Variants in PPP1R16A observed in about 807,000 individuals in gnomAD.
The protein encoded by PPP1R16A is protein phosphatase 1 regulatory subunit 16A, also known as myosin phosphatase-targeting subunit 3.
A neutral mutation model predicts 46.6 loss-of-function variants in PPP1R16A; 39 were observed. The ratio of observed to expected loss-of-function variants is 0.84; its 90% CI spans 0.65 to 1.09. PPP1R16A has a LOEUF of 1.09. Ranked by LOEUF, PPP1R16A falls within the 50% of genes least tolerant of loss-of-function variation. The pLI is 0.00. For missense variants in PPP1R16A, 798 were observed against 735.6 expected (o/e 1.08, Z -0.98); for synonymous variants, 413 against 321.5 (o/e 1.28, Z -3.04).
In PPP1R16A at chr8:144,499,955, C is replaced by T. The variant is rs939512944; in HGVS notation, c.477-141C>T. 6.4e-5 allele frequency: 50 copies of T among 778,508 alleles called. No homozygotes were observed. The Admixed American group carries it at 1.2e-3, about 19-fold the overall frequency. 48.2% of individuals were successfully genotyped at this position (778,508 alleles called of 1,614,324 possible). On this transcript the variant is annotated intron_variant, in intron 5 of 11. Transcript: ENST00000435887. ...GGACAGCCGATGGGCCCCAAGGCTGCCTCTCCCAGCAGCAGGTGGACAGGG... is the reference window on the plus strand; with the variant it reads ...GGACAGCCGATGGGCCCCAAGGCTGTCTCTCCCAGCAGCAGGTGGACAGGG...
At chr8:144,498,281 C>T in intron 3 of PPP1R16A, 1 of 355,226 alleles carries the variant, frequency 2.8e-6, no homozygotes, top group East Asian at 7.5e-5. Context: ...TGGGCGAGAG[C>T]TGGGCCCGAG....
rs375480473 is a variant in PPP1R16A, at chr8:144,484,866, G to A, written c.-913-5168G>A. ...CTTTAGCCAGGCAGCTGTTACTGAG[G>A]TAAATAATGATTTGTGTTTGTAGAT... On this transcript the variant is annotated intron_variant, in intron 1 of 11. Transcript: ENST00000435887. 3.3e-5 allele frequency among the ~76,000 whole-genome samples: 5 copies of A among 152,332 alleles called. No homozygotes were observed. The East Asian group carries it at 9.7e-4, about 29-fold the overall frequency.
At position 144,493,234 on chromosome 8, in the gene PPP1R16A, G is replaced by A. The variant is rs776079393; in HGVS notation, c.-735+3022G>A. On this transcript the variant is annotated intron_variant, in intron 2 of 11. Transcript: ENST00000435887. The surrounding 1 kb of genome is among the most constrained non-coding windows in gnomAD (Gnocchi z 4.3). Reference sequence around the variant, plus strand: ...CCCGCCTGGGTCCCACACTCAGGCAGCTGGCCTGGGCTTTGAGGAGTGGAA... The same window carrying A: ...CCCGCCTGGGTCCCACACTCAGGCAACTGGCCTGGGCTTTGAGGAGTGGAA... Among the ~76,000 whole-genome samples the A allele has an allele frequency of 9.2e-5, 14 of 152,206 alleles. No homozygotes were observed. The highest frequency in any genetic ancestry group is 1.9e-4 in the Non-Finnish European group (13 of 68,018).
chr8:144,481,781 CTTTTTTG>C (rs1362832476), intron 1 of PPP1R16A, among the ~76,000 whole-genome samples: 10 of 151,808 alleles, frequency 6.6e-5, no homozygotes, highest in African/African-American at 2.2e-4. Context: ...TTTCTTTTTT[CTTTTTTG>C]TTTTTTTGAG....
rs752397971 is a variant in PPP1R16A, at chr8:144,501,271, G to A, written c.1180G>A (p.Glu394Lys). The A allele has an allele frequency of 1.6e-5, 25 of 1,597,406 alleles. No individual in the cohort carries two copies. The East Asian group carries it at 4.5e-4, about 29-fold the overall frequency. Reference sequence around the variant, plus strand: ...CAACGATGACCGCCAGACAGGCGCAGAGCTCAGGCCGCCGCCCCCGGAGGT... The same window carrying A: ...CAACGATGACCGCCAGACAGGCGCAAAGCTCAGGCCGCCGCCCCCGGAGGT... ...EDNDDRQTGA[E>K]LRPPPPEEDN... The change falls in exon 11 of 12, where the codon GAG (glutamate) becomes AAG (lysine). Residue 394 changes from glutamate (E) to lysine (K), a missense_variant. Physicochemically the swap from Glu to Lys is moderately conservative, Grantham distance 56. Transcript: ENST00000435887.
At chr8:144,495,006 C>G (rs1327637731) in intron 2 of PPP1R16A, among the ~76,000 whole-genome samples, 1 of 152,214 alleles carries the variant, frequency 6.6e-6, no homozygotes, top group Non-Finnish European at 1.5e-5. Context: ...CTTGCCCTGG[C>G]CTCTGCGGTC....
chr8:144,489,581 C>A (rs1034285470), intron 1 of PPP1R16A, among the ~76,000 whole-genome samples: 2 of 152,088 alleles, frequency 1.3e-5, no homozygotes, highest in South Asian at 2.1e-4. Flanking sequence ...CTGGGGCCTC[C>A]CTCCCAGAGC....
chr8:144,480,862 GATGGGTTTTGTTTA>G (rs1156968287), intron 1 of PPP1R16A, among the ~76,000 whole-genome samples: 2 of 151,816 alleles, frequency 1.3e-5, no homozygotes, highest in Non-Finnish European at 2.9e-5. Flanking sequence ...GGTTTTGTGT[GATGGGTTTTGTTTA>G]ATGGGTTTTG....
chr8:144,501,868 C>G lies in PPP1R16A; in HGVS notation c.1552C>G (p.Pro518Ala), dbSNP rs368458474. Residue 518 changes from proline to alanine, a missense_variant, in exon 12 of 12, where the codon CCC (proline) becomes GCC (alanine). Coordinates refer to ENST00000435887, the MANE Select transcript of PPP1R16A (RefSeq NM_001329443.2). ...LKLTAPAVEAPVERRPCCLLM is the reference protein window; with the variant it reads ...LKLTAPAVEAAVERRPCCLLM ...GCTCACAGCCCCGGCGGTGGAGGCT[C>G]CCGTGGAGAGGAGGCCGTGCTGCCT... 84 of 1,542,282 alleles carry G rather than the reference C, an allele frequency of 5.4e-5. No homozygotes were observed. The Admixed American group carries it at 1.4e-3, about 26-fold the overall frequency.
At chr8:144,484,428 G>A (rs1173028734) in intron 1 of PPP1R16A, among the ~76,000 whole-genome samples, 1 of 152,204 alleles carries the variant, frequency 6.6e-6, no homozygotes, top group African/African-American at 2.4e-5. Context: ...CTAGAAAGGT[G>A]TGATTTGCAG....
chr8:144,497,040 G>C lies in PPP1R16A; in HGVS notation c.-155G>C. 2 of 984,824 alleles carry C rather than the reference G, an allele frequency of 2.0e-6. No individual in the cohort carries two copies. Among genetic ancestry groups the C allele is most frequent in the Non-Finnish European group, 3.0e-6 (2 of 672,070 alleles). 61.0% of individuals were successfully genotyped at this position (984,824 alleles called of 1,614,324 possible). On this transcript the variant is annotated 5_prime_UTR_variant, in exon 3 of 12. Transcript: ENST00000435887. ...GCTGCCTGGGCCTGGTTATTGTGTGGGGCCTCCTGACCCAGCCAAGGGCAC... is the reference window on the plus strand; with the variant it reads ...GCTGCCTGGGCCTGGTTATTGTGTGCGGCCTCCTGACCCAGCCAAGGGCAC...
intron 1 of PPP1R16A, among the ~76,000 whole-genome samples, chr8:144,484,908 GTTTCAA>G (rs770911880): frequency 6.6e-6 from 1 of 152,238 alleles, no homozygotes; most frequent in Non-Finnish European, 1.5e-5. Context: ...TAGTGGAATA[GTTTCAA>G]TTTCATATGG....
rs760320204 is a variant in PPP1R16A, at chr8:144,500,706, C to T, written c.852C>T (p.Leu284=). ...CACAGGTGCCCCTGGTGGAGCTGCT[C>T]GTGGCGCACGGGGCCGACCTGAACG... The part of the protein sequence containing the change: ...YWGQVPLVEL[L]VAHGADLNAK... Residue 284 remains leucine (L), a synonymous_variant, in exon 9 of 12, where the codon CTC becomes CTT. Coordinates refer to ENST00000435887, the MANE Select transcript of PPP1R16A (RefSeq NM_001329443.2). 4.3e-6 allele frequency: 7 copies of T among 1,611,518 alleles called. No individual in the cohort carries two copies. Among genetic ancestry groups the T allele is most frequent in the Non-Finnish European group, 5.9e-6 (7 of 1,179,644 alleles).
rs531842432 is a variant in PPP1R16A at position 144,484,134 on chromosome 8, C to T, written c.-913-5900C>T. Among the ~76,000 whole-genome samples the T allele has an allele frequency of 2.0e-5, 3 of 152,392 alleles. No individual in the cohort carries two copies. The South Asian group carries it at 6.2e-4, about 32-fold the overall frequency. ...GGTCCCAGTGCTGCCTCCTTCCACA[C>T]TCCCAGGCCCTGTGCCACTGGCACG... On this transcript the variant is annotated intron_variant, in intron 1 of 11. Transcript: ENST00000435887.
Position 144,498,853 on chromosome 8 carries a change from T to C in PPP1R16A, c.330+13T>C. The C allele has an allele frequency of 6.2e-7, 1 of 1,611,750 alleles. No individual in the cohort carries two copies. The highest frequency in any genetic ancestry group is 8.5e-7 in the Non-Finnish European group (1 of 1,179,004). On this transcript the variant is annotated intron_variant, in intron 4 of 11. Coordinates refer to ENST00000435887, the MANE Select transcript of PPP1R16A (RefSeq NM_001329443.2). Reference sequence around the variant, plus strand: ...GGCCCTGCACCAGGTCAGCCTGCACTGGGTGTGGGCAGGGTGGGGGCTGGC... The same window carrying C: ...GGCCCTGCACCAGGTCAGCCTGCACCGGGTGTGGGCAGGGTGGGGGCTGGC...
chr8:144,499,846 C>A, intron 5 of PPP1R16A: 1 of 506,384 alleles, frequency 2.0e-6, no homozygotes. Context: ...ATGGGGGCAC[C>A]GCTGCCCCTG....
In PPP1R16A at chr8:144,501,264, A is replaced by T; in HGVS notation, c.1173A>T (p.Thr391=). Residue 391 remains threonine, a synonymous_variant, in exon 11 of 12, where the codon ACA becomes ACT. Transcript: ENST00000435887. ...CCGAGGACAACGATGACCGCCAGAC[A>T]GGCGCAGAGCTCAGGCCGCCGCCCC... ...EPPEDNDDRQ[T]GAELRPPPPE... 1 of 1,600,702 alleles carries T rather than the reference A, an allele frequency of 6.2e-7. No homozygotes were observed. Among genetic ancestry groups the T allele is most frequent in the Admixed American group, 1.7e-5 (1 of 59,336 alleles).
At chr8:144,492,302 G>A (rs4360330) in intron 2 of PPP1R16A, among the ~76,000 whole-genome samples, 58 of 152,072 alleles carry the variant, frequency 3.8e-4, no homozygotes, top group African/African-American at 1.3e-3. Context: ...TAGTAGGGTG[G>A]CGTCCTAGAA....
At chr8:144,497,983 C>A (rs1564767600) in intron 3 of PPP1R16A, 4 of 453,720 alleles carry the variant, frequency 8.8e-6, no homozygotes, top group Middle Eastern at 3.3e-4. Flanking sequence ...TCACCTGTGC[C>A]CCACGCTTGC....
Sources: gnomAD v4.1 joint callset for allele counts (sites outside exome capture counted in the v4.1 genomes callset) on GRCh38, gnomAD v4.1.1 for gene constraint, Gnocchi (gnomAD v3.1) non-coding constraint, MANE v1.5 for transcripts, NCBI Gene and HGNC (gene_info 2026-07-23, HGNC 2026-07-21) for gene names.